The following ANTXR1 variants were observed in gnomAD, a reference collection of about 807,000 sequenced individuals.
The protein encoded by ANTXR1 is ANTXR cell adhesion molecule 1.
A neutral mutation model predicts 78.1 loss-of-function variants in ANTXR1; 19 were observed. The observed-to-expected ratio is 0.24, with a 90% CI of 0.17 to 0.36. The LOEUF is 0.36. Among genes scored for constraint, ANTXR1 ranks in the 10% least tolerant of loss-of-function variants. The probability of loss-of-function intolerance (pLI) is 1.00; values close to 1 mark genes in which losing one functional copy is unlikely to be tolerated. For missense variants in ANTXR1, 518 were observed against 718.6 expected, an observed-to-expected ratio of 0.72 and a Z score of 3.19; for synonymous variants, 273 against 260.5, an observed-to-expected ratio of 1.05 and a Z score of -0.46.
chr2:69,048,080 G>A (rs907154024), intron 3 of ANTXR1, among the ~76,000 whole-genome samples: 2 of 152,066 alleles, frequency 1.3e-5, no homozygotes, highest in Admixed American at 1.3e-4. Flanking sequence ...ATAAAATGAT[G>A]TTAACTACTG....
chr2:69,073,278 T>C (rs1054043567), intron 6 of ANTXR1, among the ~76,000 whole-genome samples, 177 bp downstream of exon 6: 12 of 152,342 alleles, frequency 7.9e-5, no homozygotes, highest in Middle Eastern at 6.8e-3. Flanking sequence ...TGAATTTTCA[T>C]GTTTTACACA....
intron 12 of ANTXR1, among the ~76,000 whole-genome samples, chr2:69,135,359 A>G (rs1672879407): frequency 6.6e-6 from 1 of 152,216 alleles, no homozygotes; most frequent in South Asian, 2.1e-4. Flanking sequence ...AGCCAATAGT[A>G]AGATGGTAGA....
chr2:69,168,500 C>T (rs1227720265), intron 13 of ANTXR1, among the ~76,000 whole-genome samples: 1 of 152,162 alleles, frequency 6.6e-6, no homozygotes, highest in Non-Finnish European at 1.5e-5. Context: ...CTGCTCAGCA[C>T]CAAACCTCTT....
At chr2:69,091,417 G>C (rs1173860755) in intron 9 of ANTXR1, among the ~76,000 whole-genome samples, 1 of 122,568 alleles carries the variant, frequency 8.2e-6, no homozygotes, top group African/African-American at 3.2e-5. Context: ...CTGCACTCCA[G>C]CCTGGGTGAC....
At chr2:69,183,002 A>C in intron 16 of ANTXR1, 2 of 288,148 alleles carry the variant, frequency 6.9e-6, no homozygotes, top group Non-Finnish European at 6.5e-6. Flanking sequence ...AAAAATCACC[A>C]TGGCAAGGTA....
At chr2:69,133,829 T>C (rs562350016) in intron 12 of ANTXR1, among the ~76,000 whole-genome samples, 2 of 152,324 alleles carry the variant, frequency 1.3e-5, no homozygotes, top group East Asian at 3.9e-4. Context: ...CTTTGAAATA[T>C]GTGGCTTAGC....
At position 69,070,627 on chromosome 2, in the gene ANTXR1, A is replaced by T; in HGVS notation, c.297-20A>T. On this transcript the variant is annotated intron_variant, in intron 3 of 17. Coordinates refer to ENST00000303714, the MANE Select transcript of ANTXR1 (RefSeq NM_032208.3). ...TAAAAAATACTCAAATAAGACTAAC[A>T]GAGTGTCTTTGGATTTCAGAGAACA... The T allele has an allele frequency of 6.2e-7, 1 of 1,612,432 alleles. No homozygotes were observed. The highest frequency in any genetic ancestry group is 8.5e-7 in the Non-Finnish European group (1 of 1,178,452).
intron 12 of ANTXR1, 63 bp downstream of exon 12, chr2:69,124,706 A>G: frequency 6.4e-7 from 1 of 1,574,600 alleles, no homozygotes; most frequent in Non-Finnish European, 8.7e-7. Context: ...AACGTTTCTT[A>G]AGCAGTAATC....
intron 13 of ANTXR1, among the ~76,000 whole-genome samples, chr2:69,165,388 C>T (rs1425725636): frequency 6.6e-6 from 1 of 152,220 alleles, no homozygotes. Context: ...AAAAATACAA[C>T]TTAAGAAGAA....
intron 9 of ANTXR1, among the ~76,000 whole-genome samples, chr2:69,091,259 G>T (rs1055572570): frequency 2.6e-5 from 4 of 151,874 alleles, no homozygotes; most frequent in Non-Finnish European, 5.9e-5. Context: ...GGCCAACATG[G>T]TTAAACCCCA....
intron 13 of ANTXR1, among the ~76,000 whole-genome samples, chr2:69,156,790 C>T (rs187022091): frequency 1.2e-3 from 187 of 152,312 alleles, no homozygotes; most frequent in Non-Finnish European, 2.0e-3. Context: ...GAAACCCCAC[C>T]GCCATGATCC....
chr2:69,114,908 C>T (rs920796167), intron 10 of ANTXR1, among the ~76,000 whole-genome samples: 2 of 152,336 alleles, frequency 1.3e-5, no homozygotes, highest in African/African-American at 4.8e-5. Flanking sequence ...CTGGGCATTA[C>T]ACCAGTACCC....
At chr2:69,140,047 T>G (rs964780484) in intron 12 of ANTXR1, among the ~76,000 whole-genome samples, 5 of 152,210 alleles carry the variant, frequency 3.3e-5, no homozygotes, top group African/African-American at 1.2e-4. Flanking sequence ...GCTCCATGCA[T>G]TTTATGGAGA....
chr2:69,044,711 C>G (rs778607137), intron 2 of ANTXR1, 31 bp from the exon 3 acceptor site: 4 of 1,610,078 alleles, frequency 2.5e-6, no homozygotes, highest in Non-Finnish European at 3.4e-6. Flanking sequence ...GTCTTATTGT[C>G]TGTCCTAATA....
At chr2:69,125,726 A>C (rs1672512342) in intron 12 of ANTXR1, among the ~76,000 whole-genome samples, 1 of 152,170 alleles carries the variant, frequency 6.6e-6, no homozygotes, top group Non-Finnish European at 1.5e-5. Context: ...CTGTAGTCCT[A>C]GCTACTCAGG....
At chr2:69,117,000 T>C (rs565491086) in intron 10 of ANTXR1, among the ~76,000 whole-genome samples, 6 of 152,204 alleles carry the variant, frequency 3.9e-5, no homozygotes, top group Non-Finnish European at 8.8e-5. Context: ...TGTCCCAAGG[T>C]CTAAACCTGT....
intron 8 of ANTXR1, among the ~76,000 whole-genome samples, chr2:69,084,851 T>C (rs1472117361): frequency 7.1e-6 from 1 of 139,876 alleles, no homozygotes; most frequent in African/African-American, 2.7e-5. Context: ...AAGGCAACTT[T>C]TTTTTTTTTT....
At chr2:69,093,674 G>A (rs1373461282) in intron 9 of ANTXR1, among the ~76,000 whole-genome samples, 1 of 152,118 alleles carries the variant, frequency 6.6e-6, no homozygotes, top group Non-Finnish European at 1.5e-5. Context: ...ACAAATTAAA[G>A]CAATTCAACA....
At chr2:69,166,573 G>A (rs1673833136) in intron 13 of ANTXR1, among the ~76,000 whole-genome samples, 1 of 152,172 alleles carries the variant, frequency 6.6e-6, no homozygotes. Flanking sequence ...AGCCTGCAGA[G>A]TAGAAATGTG....
Sources: gnomAD v4.1 joint callset for allele counts (sites outside exome capture counted in the v4.1 genomes callset) on GRCh38, gnomAD v4.1.1 for gene constraint, MANE v1.5 for transcripts, NCBI Gene and HGNC (gene_info 2026-07-23, HGNC 2026-07-21) for gene names.